EPHA3: variants seen among roughly 807,000 people sequenced by gnomAD.
The protein encoded by EPHA3 is ephrin type-A receptor 3.
A neutral mutation model predicts 107.1 loss-of-function variants in EPHA3; 42 were observed. The observed-to-expected ratio is 0.39, with a 90% confidence interval of 0.31 to 0.51. The LOEUF (loss-of-function observed/expected upper bound fraction) is 0.51, where lower values mean the gene tolerates loss of function less well. EPHA3 is among the 20% of genes least tolerant of loss of function. The pLI, the probability that EPHA3 is intolerant of heterozygous loss-of-function variation, is 0.78. For synonymous variants in EPHA3, 461 were observed against 424.8 expected, an observed-to-expected ratio of 1.09 and a Z score of -1.05; for missense variants, 1,183 against 1,211.2, an observed-to-expected ratio of 0.98 and a Z score of 0.35.
At chr3:89,118,745 G>T (rs1321580827) in intron 1 of EPHA3, among the ~76,000 whole-genome samples, 2 of 151,622 alleles carry the variant, frequency 1.3e-5, no homozygotes, top group African/African-American at 4.8e-5. Flanking sequence ...CTTATCTGAG[G>T]ATTAGTTACC....
chr3:89,413,807 C>G (rs189048425), intron 10 of EPHA3, among the ~76,000 whole-genome samples: 1 of 151,534 alleles, frequency 6.6e-6, no homozygotes, highest in East Asian at 1.9e-4. Flanking sequence ...AATAAATATA[C>G]CTTTGTTCTA....
chr3:89,208,130 T>C (rs1379997024), intron 2 of EPHA3, among the ~76,000 whole-genome samples: 4 of 151,930 alleles, frequency 2.6e-5, no homozygotes, highest in Non-Finnish European at 5.9e-5. Flanking sequence ...TCCCAGCACT[T>C]TGGGAGGCCA....
At chr3:89,399,286 T>A (rs537063111) in intron 6 of EPHA3, 32 bp from the exon 7 acceptor site, 1 of 1,579,500 alleles carries the variant, frequency 6.3e-7, no homozygotes, top group African/African-American at 1.3e-5. Context: ...AAGATTTGAT[T>A]TTAACATGAA....
rs2107417157 is a variant in EPHA3, at chr3:89,340,939, G to A, written c.838G>A (p.Ala280Thr). ...CQACRPGFYK[A>T]LDGNMKCAKC... ...AGCTTGTCGACCAGGTTTCTACAAG[G>A]CATTGGATGGTAATATGAAGTGTGC... Residue 280 changes from alanine to threonine, a missense_variant, in exon 4 of 17, where the codon GCA becomes ACA. Physicochemically the swap from Ala to Thr is moderately conservative, Grantham distance 58 (BLOSUM62 0). Coordinates refer to ENST00000336596, the MANE Select transcript of EPHA3 (RefSeq NM_005233.6). The A allele has an allele frequency of 1.9e-6, 3 of 1,612,872 alleles. No homozygotes were observed. In the South Asian group the frequency reaches 3.3e-5, roughly 18 times the overall value.
chr3:89,392,590 AG>A (rs1182238003), intron 5 of EPHA3, among the ~76,000 whole-genome samples: 2 of 151,110 alleles, frequency 1.3e-5, no homozygotes, highest in Non-Finnish European at 3.0e-5. Flanking sequence ...GGAAGTTGAA[AG>A]TTTTTTTTTT....
At chr3:89,455,856 A>T (rs1710087756) in intron 15 of EPHA3, among the ~76,000 whole-genome samples, 1 of 152,140 alleles carries the variant, frequency 6.6e-6, no homozygotes, top group South Asian at 2.1e-4. Flanking sequence ...TCTTTTACAG[A>T]GCACCATATT....
intron 7 of EPHA3, chr3:89,400,108 C>T (rs1273785371): frequency 1.0e-6 from 1 of 973,340 alleles, no homozygotes; most frequent in Non-Finnish European, 1.2e-6. Context: ...ATATAATTTT[C>T]AAAAAGGTAA....
intron 3 of EPHA3, among the ~76,000 whole-genome samples, chr3:89,276,915 T>C (rs1362010640): frequency 1.3e-5 from 2 of 152,156 alleles, no homozygotes; most frequent in East Asian, 3.8e-4. Flanking sequence ...CAAAGTGATG[T>C]TATGGATCAA....
chr3:89,457,030 G>T (rs1371211081), intron 15 of EPHA3, among the ~76,000 whole-genome samples: 1 of 152,134 alleles, frequency 6.6e-6, no homozygotes, highest in Non-Finnish European at 1.5e-5. Flanking sequence ...AAAGGAGTTC[G>T]GGAATCCCGA....
In EPHA3 at chr3:89,341,817, T is replaced by C. The variant is rs374701071; in HGVS notation, c.1033T>C (p.Trp345Arg). ...AAACGAGACCTCAGTTATCCTGGAC[T>C]GGAGTTGGCCCCTGGACACAGGAGG... Reference protein sequence around the residue: ...NINETSVILDWSWPLDTGGRK... With the variant: ...NINETSVILDRSWPLDTGGRK... The change falls in exon 5 of 17, where the codon TGG becomes CGG. Residue 345 changes from tryptophan to arginine, a missense_variant. By Grantham distance (101) the Trp-to-Arg change is moderately radical. Transcript: ENST00000336596. The C allele has an allele frequency of 6.2e-7, 1 of 1,613,894 alleles. No individual in the cohort carries two copies. The highest frequency in any genetic ancestry group is 8.5e-7 in the Non-Finnish European group (1 of 1,180,022).
chr3:89,206,206 T>G (rs1350404024), intron 2 of EPHA3, among the ~76,000 whole-genome samples: 2 of 152,192 alleles, frequency 1.3e-5, no homozygotes, highest in East Asian at 3.9e-4. Flanking sequence ...TGGTTCTGTT[T>G]GCATTATCTT....
rs367864792 is a variant in EPHA3 at position 89,220,018 on chromosome 3, T to G, written c.814+9498T>G. Among the ~76,000 whole-genome samples the G allele has an allele frequency of 2.0e-5, 3 of 152,132 alleles. No homozygotes were observed. The East Asian group carries it at 5.8e-4, about 30-fold the overall frequency. ...CCACCGGGCAATGTTTAAAAATATT[T>G]TTGGTTCTCACAGCTGAAGAAAGGG... On this transcript the variant is annotated intron_variant, in intron 3 of 16. Transcript: ENST00000336596.
intron 2 of EPHA3, among the ~76,000 whole-genome samples, chr3:89,202,007 G>C (rs1188532149): frequency 6.6e-6 from 1 of 151,964 alleles, no homozygotes; most frequent in African/African-American, 2.4e-5. Context: ...CCCTCTCTGT[G>C]TCCTCCTTAA....
At chr3:89,320,502 T>C (rs1482102791) in intron 3 of EPHA3, among the ~76,000 whole-genome samples, 1 of 152,032 alleles carries the variant, frequency 6.6e-6, no homozygotes, top group African/African-American at 2.4e-5. Context: ...TTGAGCCATC[T>C]TGTGTCATCT....
At chr3:89,183,014 T>C (rs1705480852) in intron 2 of EPHA3, among the ~76,000 whole-genome samples, 1 of 151,926 alleles carries the variant, frequency 6.6e-6, no homozygotes, top group African/African-American at 2.4e-5. Context: ...TTTTTTAAGA[T>C]GAAAGGAAAA....
chr3:89,415,957 G>A (rs565043148), intron 10 of EPHA3, among the ~76,000 whole-genome samples: 1 of 151,560 alleles, frequency 6.6e-6, no homozygotes, highest in South Asian at 2.1e-4. Context: ...TCATAGTAGT[G>A]TCTTCTTCAT....
chr3:89,356,006 C>G (rs1161854152), intron 5 of EPHA3, among the ~76,000 whole-genome samples: 1 of 122,048 alleles, frequency 8.2e-6, no homozygotes, highest in Non-Finnish European at 1.7e-5. Flanking sequence ...ACAACAGTCC[C>G]CAGAGTGTGA....
intron 7 of EPHA3, among the ~76,000 whole-genome samples, chr3:89,404,939 T>A (rs1268995230): frequency 6.6e-6 from 1 of 152,144 alleles, no homozygotes; most frequent in African/African-American, 2.4e-5. Flanking sequence ...TTATGGAGCA[T>A]TTTTGAAATA....
chr3:89,411,526 T>C (rs896248472), intron 9 of EPHA3, among the ~76,000 whole-genome samples: 12 of 151,836 alleles, frequency 7.9e-5, no homozygotes, highest in Non-Finnish European at 1.3e-4. Flanking sequence ...CTGAGGAAAA[T>C]AGAGTTTTTA....
Sources: gnomAD v4.1 joint callset for allele counts (sites outside exome capture counted in the v4.1 genomes callset) on GRCh38, gnomAD v4.1.1 for gene constraint, MANE v1.5 for transcripts, NCBI Gene and HGNC (gene_info 2026-07-23, HGNC 2026-07-21) for gene names.